BCL11A: variants seen among roughly 807,000 people sequenced by gnomAD.
BCL11A encodes B cell CLL/lymphoma 11A.
BCL11A carries 2 observed loss-of-function variants against 55.9 expected under a neutral mutation model. The ratio of observed to expected loss-of-function variants is 0.04; its 90% confidence interval spans 0.01 to 0.11. BCL11A has a LOEUF of 0.11. BCL11A is among the 10% of genes least tolerant of loss of function. BCL11A has a pLI of 1.00. For missense variants in BCL11A, 817 were observed against 1,137.1 expected, an observed-to-expected ratio of 0.72 and a Z score of 4.05; for synonymous variants, 465 against 473.4, an observed-to-expected ratio of 0.98 and a Z score of 0.23.
chr2:60,498,858 T>C (rs1320745647), intron 2 of BCL11A, among the ~76,000 whole-genome samples: 2 of 152,104 alleles, frequency 1.3e-5, no homozygotes, highest in African/African-American at 4.8e-5. Flanking sequence ...TATACATACA[T>C]TTGAATTACC....
chr2:60,454,815 CTTCCT>C (rs1400808074), downstream of BCL11A, among the ~76,000 whole-genome samples: 12 of 152,356 alleles, frequency 7.9e-5, no homozygotes, highest in African/African-American at 2.4e-4. Flanking sequence ...TCTCCCGCCA[CTTCCT>C]TTCAAGTTCT....
intron 2 of BCL11A, among the ~76,000 whole-genome samples, chr2:60,477,029 A>T (rs768428688): frequency 6.6e-6 from 1 of 152,200 alleles, no homozygotes; most frequent in Non-Finnish European, 1.5e-5. Flanking sequence ...ACACAAACGT[A>T]TCACAAACAC....
chr2:60,529,778 T>C (rs1301643224), intron 2 of BCL11A, among the ~76,000 whole-genome samples: 1 of 152,230 alleles, frequency 6.6e-6, no homozygotes, highest in Non-Finnish European at 1.5e-5. Flanking sequence ...TGCACAATGG[T>C]GCCTTTTCAA....
At chr2:60,484,671 A>G (rs879262367) in intron 2 of BCL11A, among the ~76,000 whole-genome samples, 13 of 151,774 alleles carry the variant, frequency 8.6e-5, no homozygotes, top group Admixed American at 2.0e-4. Context: ...TTCTTAAGAG[A>G]AGGGGGAATT....
At chr2:60,535,085 T>A (rs1173240570) in intron 2 of BCL11A, 4 of 152,176 alleles carry the variant, frequency 2.6e-5, no homozygotes, top group Non-Finnish European at 5.9e-5. Context: ...GCAAAACAAT[T>A]CGCAATTACT....
At chr2:60,533,382 TAGA>T (rs904675942) in intron 2 of BCL11A, 1 of 152,092 alleles carries the variant, frequency 6.6e-6, no homozygotes, top group Non-Finnish European at 1.5e-5. Context: ...TGATGCAAGA[TAGA>T]AGGAGAGAGA....
At chr2:60,468,968 A>G (rs1677046258) in intron 2 of BCL11A, 135 bp from the exon 3 acceptor site, 1 of 593,684 alleles carries the variant, frequency 1.7e-6, no homozygotes. Context: ...TAACAGGCCC[A>G]AGGCCTGAAA....
At chr2:60,539,883 A>G (rs1442618340) in intron 2 of BCL11A, among the ~76,000 whole-genome samples, 2 of 152,190 alleles carry the variant, frequency 1.3e-5, no homozygotes, top group African/African-American at 2.4e-5. Context: ...CCAGTGCTCT[A>G]TACCCTGGTC....
Position 60,471,667 on chromosome 2 carries a change from T to G in BCL11A, c.386-2834A>C, listed in dbSNP as rs565509438. 3.9e-5 allele frequency among the ~76,000 whole-genome samples: 6 copies of G among 152,284 alleles called. No homozygotes were observed. In the South Asian group the frequency reaches 1.2e-3, roughly 32 times the overall value. On this transcript the variant is annotated intron_variant, in intron 2 of 3. Transcript: ENST00000642384. ...TTGAGGGCCTCTTCTTTTCCCACCTTCGCTTTCATTCTCCCCAGCCAGAGA... is the reference window on the plus strand; with the variant it reads ...TTGAGGGCCTCTTCTTTTCCCACCTGCGCTTTCATTCTCCCCAGCCAGAGA...
At chr2:60,505,377 G>C (rs1280964041) in intron 2 of BCL11A, among the ~76,000 whole-genome samples, 1 of 152,214 alleles carries the variant, frequency 6.6e-6, no homozygotes, top group Admixed American at 6.5e-5. Context: ...ACTTTGTCAG[G>C]ACTTGTAGGT....
At chr2:60,550,145 G>A (rs1670337964) in intron 1 of BCL11A, among the ~76,000 whole-genome samples, 2 of 152,128 alleles carry the variant, frequency 1.3e-5, no homozygotes, top group African/African-American at 4.8e-5. Context: ...CCCCCTCTTC[G>A]GCCATGCCCC....
At chr2:60,525,689 G>A (rs1410351931) in intron 2 of BCL11A, 1 of 152,182 alleles carries the variant, frequency 6.6e-6, no homozygotes, top group Non-Finnish European at 1.5e-5. Context: ...ATGCTAACAG[G>A]TGAAGGGAGC....
chr2:60,517,602 G>T (rs567021594), intron 2 of BCL11A, among the ~76,000 whole-genome samples: 8 of 152,360 alleles, frequency 5.3e-5, no homozygotes, highest in Admixed American at 2.0e-4. Context: ...AAGTTCCTCT[G>T]CAAAGCACAT....
chr2:60,538,865 G>C (rs898054954), intron 2 of BCL11A, among the ~76,000 whole-genome samples: 2 of 151,768 alleles, frequency 1.3e-5, no homozygotes, highest in African/African-American at 4.8e-5. Context: ...CTTTTAACGG[G>C]AAAAGCTGGA....
rs1233115083 is a variant in BCL11A, at chr2:60,468,764, C to G, written c.455G>C (p.Gly152Ala). The change falls in exon 3 of 4, where the codon GGG becomes GCG. Residue 152 changes from glycine (G) to alanine (A), a missense_variant. Gly to Ala is a moderately conservative substitution (Grantham distance 60). Around this residue, in one of 4 missense-constraint regions of BCL11A, gnomAD observed 363 missense variants for 486.6 expected, o/e 0.75. Coordinates refer to ENST00000642384, the MANE Select transcript of BCL11A (RefSeq NM_022893.4). ...CTGCGGGGCATATTCTGCACTCATC[C>G]CAGGCGTGGGGATTAGAGCTCCATG... is the stretch of plus-strand genomic sequence containing the variant. ...SAHGALIPTP[G>A]MSAEYAPQGI... 1.2e-6 allele frequency: 2 copies of G among 1,611,682 alleles called. No individual in the cohort carries two copies. The highest frequency in any genetic ancestry group is 2.2e-5 in the East Asian group (1 of 44,816).
At chr2:60,479,411 A>G (rs1677822235) in intron 2 of BCL11A, among the ~76,000 whole-genome samples, 2 of 152,222 alleles carry the variant, frequency 1.3e-5, no homozygotes, top group Non-Finnish European at 2.9e-5. Context: ...CGCAGTCCCA[A>G]CCATGAGGCT....
chr2:60,473,539 G>C (rs1677337626), intron 2 of BCL11A, among the ~76,000 whole-genome samples: 1 of 152,190 alleles, frequency 6.6e-6, no homozygotes, highest in Non-Finnish European at 1.5e-5. Flanking sequence ...ACCCATTCCA[G>C]TTCTGAATCC....
chr2:60,492,431 C>G (rs986003502), intron 2 of BCL11A, among the ~76,000 whole-genome samples: 1 of 152,174 alleles, frequency 6.6e-6, no homozygotes, highest in Admixed American at 6.5e-5. Flanking sequence ...AAATGTATTT[C>G]TAGGGAAGAA....
At chr2:60,467,215 ACTGGTG>A in intron 3 of BCL11A, among the ~76,000 whole-genome samples, 1 of 45,834 alleles carries the variant, frequency 2.2e-5, no homozygotes, top group African/African-American at 9.7e-5. Context: ...CGGTGATGGT[ACTGGTG>A]ATGGTGGTGG....
Sources: gnomAD v4.1 joint callset for allele counts (sites outside exome capture counted in the v4.1 genomes callset) on GRCh38, gnomAD v4.1.1 for gene constraint, gnomAD v4.1.1 regional missense constraint, MANE v1.5 for transcripts, NCBI Gene and HGNC (gene_info 2026-07-23, HGNC 2026-07-21) for gene names.